PAMR1: variants seen among roughly 807,000 people sequenced by gnomAD.
PAMR1 encodes peptidase domain containing associated with muscle regeneration 1, also known as inactive serine protease PAMR1.
A neutral mutation model predicts 81.8 loss-of-function variants in PAMR1; 88 were observed. The ratio of observed to expected loss-of-function variants is 1.08; its 90% CI spans 0.91 to 1.28. The LOEUF is 1.28. PAMR1 is among the 50% of genes most tolerant of loss of function. The pLI is 0.00. For synonymous variants in PAMR1, 336 were observed against 345.3 expected (o/e 0.97, Z 0.30); for missense variants, 935 against 919.7 (o/e 1.02, Z -0.21).
chr11:35,529,192 T>C (rs1851431833), upstream of PAMR1, among the ~76,000 whole-genome samples: 1 of 152,212 alleles, frequency 6.6e-6, no homozygotes, highest in Admixed American at 6.5e-5. Context: ...ATGGGGTTTT[T>C]TGAGGGACTT....
chr11:35,499,697 C>T (rs2256406), intron 1 of PAMR1, among the ~76,000 whole-genome samples: 151,438 of 151,948 alleles, frequency 1, 75,467 homozygotes, highest in East Asian at 1. Flanking sequence ...ACTGTTTACT[C>T]TATAGATAAG....
At chr11:35,475,825 A>T (rs1850274846) in intron 3 of PAMR1, among the ~76,000 whole-genome samples, 1 of 152,192 alleles carries the variant, frequency 6.6e-6, no homozygotes. Context: ...TTATAGCAAG[A>T]GACAGTAGGC....
chr11:35,497,309 A>G (rs1317669009), intron 1 of PAMR1, among the ~76,000 whole-genome samples: 1 of 152,236 alleles, frequency 6.6e-6, no homozygotes, highest in Non-Finnish European at 1.5e-5. Flanking sequence ...TGCCAAGCAA[A>G]AGAAGCCAAA....
rs759282253 is a variant in PAMR1 at position 35,446,494 on chromosome 11, TA to T, written c.821-4802del. 2.7e-4 allele frequency among the ~76,000 whole-genome samples: 41 copies of T among 152,342 alleles called. 1 individual carries two copies. The highest frequency in any genetic ancestry group is 4.9e-4 in the Non-Finnish European group (33 of 68,008). ...CATTTAGTGCTATAAATTTTCCTCATAACATTGCTTTAGCTGCATCCCAGTG... is the reference window on the plus strand; with the variant it reads ...CATTTAGTGCTATAAATTTTCCTCATACATTGCTTTAGCTGCATCCCAGTG... On this transcript the variant is annotated intron_variant, in intron 6 of 10. Transcript: ENST00000619888.
At chr11:35,500,068 A>G (rs1850802597) in intron 1 of PAMR1, among the ~76,000 whole-genome samples, 1 of 152,180 alleles carries the variant, frequency 6.6e-6, no homozygotes, top group Non-Finnish European at 1.5e-5. Context: ...AGGCAAATAA[A>G]CAGCTTCTCC....
rs1460613937 is a variant in PAMR1 at position 35,432,149 on chromosome 11, A to G, written c.*207T>C. 6 of 579,950 alleles carry G rather than the reference A, an allele frequency of 1.0e-5. No homozygotes were observed. Among genetic ancestry groups the G allele is most frequent in the Admixed American group, 3.1e-5 (1 of 32,356 alleles). The allele number at this position is 579,950 out of a possible 1,614,324, so 35.9% of individuals were successfully genotyped here. On this transcript the variant is annotated 3_prime_UTR_variant, in exon 11 of 11. Coordinates refer to ENST00000619888, the MANE Select transcript of PAMR1 (RefSeq NM_001001991.3). ...TTCTTGCAAGCCCTGGCATCTTCCAATTGGCTGTCCTAGTAGTGGACGCGG... is the reference window on the plus strand; with the variant it reads ...TTCTTGCAAGCCCTGGCATCTTCCAGTTGGCTGTCCTAGTAGTGGACGCGG...
In PAMR1 at chr11:35,435,950, CAT is replaced by C; in HGVS notation, c.1284_1285del (p.Cys429SerfsTer21). 1 of 1,614,218 alleles carries C rather than the reference CAT, an allele frequency of 6.2e-7. No individual in the cohort carries two copies. The highest frequency in any genetic ancestry group is 1.1e-5 in the South Asian group (1 of 91,080). ...CCCACTCCACTTCCCAGTCCTCAGA[CAT>C]GTCCTCCTGCTGCTGCCCAGGCGGC... On this transcript the variant is annotated frameshift_variant, in exon 9 of 11. Coordinates refer to ENST00000619888, the MANE Select transcript of PAMR1 (RefSeq NM_001001991.3). LOFTEE classifies it high-confidence loss of function.
At chr11:35,505,883 T>C (rs992461911) in intron 1 of PAMR1, among the ~76,000 whole-genome samples, 1 of 145,940 alleles carries the variant, frequency 6.9e-6, no homozygotes, top group African/African-American at 2.6e-5. Flanking sequence ...GTACTTCTAT[T>C]GCCATTTTGT....
chr11:35,512,374 CAG>C (rs1316703906), intron 1 of PAMR1, among the ~76,000 whole-genome samples: 4 of 152,292 alleles, frequency 2.6e-5, no homozygotes, highest in East Asian at 1.9e-4. Context: ...GATAAGGAAA[CAG>C]GGTAAATAAA....
At chr11:35,463,347 G>A (rs991173471) in intron 6 of PAMR1, among the ~76,000 whole-genome samples, 3 of 152,200 alleles carry the variant, frequency 2.0e-5, no homozygotes, top group Admixed American at 2.0e-4. Context: ...GCGTGTCAGA[G>A]CCCGCAGTGT....
rs576365118 is a variant in PAMR1 at position 35,491,908 on chromosome 11, T to G, written c.379+137A>C. On this transcript the variant is annotated intron_variant, in intron 3 of 10. Coordinates refer to ENST00000619888, the MANE Select transcript of PAMR1 (RefSeq NM_001001991.3). ...GCAGATGGAAATCCATCTTTGTTTT[T>G]ATAGTTTTACCTAGAAAGCCCTCTG... The G allele has an allele frequency of 1.2e-5, 9 of 721,504 alleles. No individual in the cohort carries two copies. The African/African-American group carries it at 1.4e-4, about 12-fold the overall frequency. 44.7% of individuals were successfully genotyped at this position (721,504 alleles called of 1,614,324 possible). A position where few individuals can be genotyped will look rare whatever the true frequency, so the allele number is the denominator to read the frequency against.
At chr11:35,512,100 C>T (rs1018691525) in intron 1 of PAMR1, among the ~76,000 whole-genome samples, 1 of 152,178 alleles carries the variant, frequency 6.6e-6, no homozygotes, top group African/African-American at 2.4e-5. Flanking sequence ...CTTTGGGTAC[C>T]AGGAGTGATA....
At chr11:35,516,150 G>T (rs1218182190) in intron 1 of PAMR1, among the ~76,000 whole-genome samples, 1 of 152,180 alleles carries the variant, frequency 6.6e-6, no homozygotes, top group Non-Finnish European at 1.5e-5. Context: ...TCCTCAGTCT[G>T]CAGATTGGAA....
intron 3 of PAMR1, among the ~76,000 whole-genome samples, chr11:35,480,000 T>G (rs1389750145): frequency 6.6e-6 from 1 of 152,198 alleles, no homozygotes; most frequent in Non-Finnish European, 1.5e-5. Flanking sequence ...CAGCTCAGCC[T>G]GTGAGTTGAC....
At chr11:35,433,484 A>G (rs886121279) in intron 10 of PAMR1, among the ~76,000 whole-genome samples, 8 of 152,238 alleles carry the variant, frequency 5.3e-5, no homozygotes, top group East Asian at 1.9e-4. Flanking sequence ...GGGAGCCTGT[A>G]GGAGCACACA....
chr11:35,520,009 C>A (rs1449558956), intron 1 of PAMR1, among the ~76,000 whole-genome samples: 1 of 152,086 alleles, frequency 6.6e-6, no homozygotes, highest in Non-Finnish European at 1.5e-5. Context: ...ATAGTACTTA[C>A]CTCCTAGGTT....
At chr11:35,463,814 C>A (rs1410117783) in intron 6 of PAMR1, among the ~76,000 whole-genome samples, 1 of 152,182 alleles carries the variant, frequency 6.6e-6, no homozygotes, top group Non-Finnish European at 1.5e-5. Context: ...GGCTCTCACA[C>A]CTTCTTGACA....
chr11:35,474,748 A>G lies in PAMR1; in HGVS notation c.380-4T>C, dbSNP rs766663962. On this transcript the variant is annotated splice_region_variant and splice_polypyrimidine_tract_variant and intron_variant, in intron 3 of 10. Transcript: ENST00000619888. ...GCTCGCAGAACCTGGCCACATCCTA[A>G]GAAAAGAAGAAAAGATTGGGACATA... 5.7e-6 allele frequency: 9 copies of G among 1,582,362 alleles called. No homozygotes were observed. The highest frequency in any genetic ancestry group is 7.8e-6 in the Non-Finnish European group (9 of 1,155,564).
chr11:35,470,560 A>G (rs1456868071), intron 5 of PAMR1, 41 bp downstream of exon 5: 4 of 1,436,964 alleles, frequency 2.8e-6, no homozygotes, highest in Non-Finnish European at 3.9e-6. Context: ...ATTTATCTGG[A>G]GCAAGCCATA....
Sources: allele counts gnomAD v4.1 joint callset (sites outside exome capture counted in the v4.1 genomes callset), GRCh38; gene constraint gnomAD v4.1.1; transcripts MANE v1.5; gene names NCBI Gene and HGNC (gene_info 2026-07-23, HGNC 2026-07-21).